DCBLD2: variants seen among roughly 807,000 people sequenced by gnomAD.
The protein encoded by DCBLD2 is discoidin, CUB and LCCL domain-containing protein 2.
DCBLD2 carries 54 observed loss-of-function variants against 86.8 expected under a neutral mutation model. That is an observed-to-expected ratio of 0.62 (90% CI 0.50 to 0.78). The LOEUF is 0.78. DCBLD2 is among the 30% of genes least tolerant of loss of function. DCBLD2 has a pLI of 0.00. For missense variants in DCBLD2, 908 were observed against 954.2 expected (o/e 0.95, Z 0.64); for synonymous variants, 354 against 341.3 (o/e 1.04, Z -0.41).
intron 1 of DCBLD2, among the ~76,000 whole-genome samples, chr3:98,898,234 T>C (rs2107536028): frequency 6.6e-6 from 1 of 151,980 alleles, no homozygotes; most frequent in African/African-American, 2.4e-5. Context: ...TAATGATACA[T>C]TTTATTCGGA....
At chr3:98,872,819 A>G (rs1943302731) in intron 2 of DCBLD2, among the ~76,000 whole-genome samples, 1 of 152,202 alleles carries the variant, frequency 6.6e-6, no homozygotes, top group Admixed American at 6.5e-5. Context: ...AAAAATGAAC[A>G]CAACAAATAT....
chr3:98,848,873 A>G (rs1382283825), intron 3 of DCBLD2, among the ~76,000 whole-genome samples: 2 of 152,210 alleles, frequency 1.3e-5, no homozygotes, highest in Non-Finnish European at 2.9e-5. Context: ...TATAAATTTT[A>G]AAAATGTTAT....
At chr3:98,816,655 T>C (rs561653864) in intron 9 of DCBLD2, among the ~76,000 whole-genome samples, 5 of 152,142 alleles carry the variant, frequency 3.3e-5, no homozygotes, top group Non-Finnish European at 2.9e-5. Flanking sequence ...CTGGAGGTTT[T>C]TGAACAAAGA....
intron 10 of DCBLD2, 92 bp from the exon 11 acceptor site, chr3:98,811,646 G>T (rs1250985926): frequency 8.6e-7 from 1 of 1,165,810 alleles, no homozygotes; most frequent in Non-Finnish European, 1.2e-6. Flanking sequence ...ATTTCCTAAA[G>T]TATTTAATTC....
At chr3:98,829,447 C>T (rs1942284052) in intron 3 of DCBLD2, among the ~76,000 whole-genome samples, 1 of 152,182 alleles carries the variant, frequency 6.6e-6, no homozygotes, top group African/African-American at 2.4e-5. Flanking sequence ...CTCCCACCCT[C>T]CAGTAGGCCT....
chr3:98,858,150 A>G (rs2107494106), intron 2 of DCBLD2, among the ~76,000 whole-genome samples: 1 of 152,338 alleles, frequency 6.6e-6, no homozygotes, highest in South Asian at 2.1e-4. Flanking sequence ...GAAAAGTCAC[A>G]GCAGCTGCTG....
At chr3:98,874,905 G>C (rs1370851747) in intron 2 of DCBLD2, among the ~76,000 whole-genome samples, 1 of 152,138 alleles carries the variant, frequency 6.6e-6, no homozygotes, top group Non-Finnish European at 1.5e-5. Context: ...CCAAAACTCT[G>C]AGAAAGTAAA....
intron 2 of DCBLD2, among the ~76,000 whole-genome samples, chr3:98,874,597 G>GC (rs1481260869): frequency 6.6e-6 from 1 of 152,132 alleles, no homozygotes; most frequent in Non-Finnish European, 1.5e-5. Flanking sequence ...ATACTGGTAC[G>GC]CCCCCCAAAA....
chr3:98,821,994 C>T (rs1353594508), intron 6 of DCBLD2: 14 of 522,136 alleles, frequency 2.7e-5, no homozygotes, highest in African/African-American at 5.7e-5. Context: ...TGCAGTGAGC[C>T]GAGATCACGC....
chr3:98,890,156 T>C (rs1413148641), intron 1 of DCBLD2, among the ~76,000 whole-genome samples: 2 of 152,070 alleles, frequency 1.3e-5, no homozygotes, highest in Non-Finnish European at 2.9e-5. Flanking sequence ...CCTACAAATG[T>C]GACCTTATCT....
chr3:98,853,864 C>T (rs553601428), intron 2 of DCBLD2, among the ~76,000 whole-genome samples: 1 of 152,306 alleles, frequency 6.6e-6, no homozygotes, highest in Non-Finnish European at 1.5e-5. Flanking sequence ...AAGGATGAAC[C>T]AGAGGGTAGA....
chr3:98,843,440 A>G (rs150071756), intron 3 of DCBLD2, among the ~76,000 whole-genome samples: 2,133 of 152,308 alleles, frequency 0.014, 25 homozygotes, highest in South Asian at 0.082. Flanking sequence ...TACGGTTAAG[A>G]AGGCAAACAA....
intron 7 of DCBLD2, 62 bp downstream of exon 7, chr3:98,820,179 ACACAGTG>A: frequency 9.9e-7 from 1 of 1,009,762 alleles, no homozygotes; most frequent in African/African-American, 1.7e-5. Context: ...TCAGCAACTG[ACACAGTG>A]CCTAACAGTG....
At chr3:98,897,116 T>C (rs562007910) in intron 1 of DCBLD2, among the ~76,000 whole-genome samples, 1 of 152,328 alleles carries the variant, frequency 6.6e-6, no homozygotes, top group South Asian at 2.1e-4. Context: ...TTATGCCAAT[T>C]CCACCATTTT....
chr3:98,872,665 C>T (rs142234160), intron 2 of DCBLD2, among the ~76,000 whole-genome samples: 301 of 151,856 alleles, frequency 2.0e-3, no homozygotes, highest in Admixed American at 6.5e-3. Context: ...ATGGACAAAT[C>T]GGATAGTAAA....
At chr3:98,824,389 C>T (rs200058412) in intron 4 of DCBLD2, among the ~76,000 whole-genome samples, 5 of 152,136 alleles carry the variant, frequency 3.3e-5, no homozygotes, top group Middle Eastern at 3.4e-3. Context: ...TGGAGAGTGG[C>T]GCGAGCGCAG....
chr3:98,858,336 C>T (rs1015501559), intron 2 of DCBLD2, among the ~76,000 whole-genome samples: 12 of 152,228 alleles, frequency 7.9e-5, no homozygotes, highest in Admixed American at 2.6e-4. Context: ...CTGAGGGAGC[C>T]GGCTCCGGCC....
intron 1 of DCBLD2, among the ~76,000 whole-genome samples, chr3:98,892,330 C>G (rs1156444073): frequency 6.6e-6 from 1 of 152,092 alleles, no homozygotes; most frequent in Non-Finnish European, 1.5e-5. Context: ...AACACTCTTT[C>G]TCCTAGAAGA....
chr3:98,855,879 A>G (rs1942922912), intron 2 of DCBLD2, among the ~76,000 whole-genome samples: 1 of 152,230 alleles, frequency 6.6e-6, no homozygotes, highest in Non-Finnish European at 1.5e-5. Context: ...CTGTAAAGAG[A>G]GCTTCACATT....
Sources: gnomAD v4.1 joint callset for allele counts (sites outside exome capture counted in the v4.1 genomes callset) on GRCh38, gnomAD v4.1.1 for gene constraint, MANE v1.5 for transcripts, NCBI Gene and HGNC (gene_info 2026-07-23, HGNC 2026-07-21) for gene names.